Variants in MAST4 observed in about 807,000 individuals in gnomAD.
MAST4 encodes microtubule associated serine/threonine kinase family member 4.
MAST4 carries 89 observed loss-of-function variants against 162.7 expected under a neutral mutation model. The observed-to-expected ratio is 0.55, with a 90% CI of 0.46 to 0.65. MAST4 has a LOEUF of 0.65. Among genes scored for constraint, MAST4 ranks in the 30% least tolerant of loss-of-function variants. The pLI is 0.00. For missense variants in MAST4, 3,153 were observed against 3,374.0 expected, an observed-to-expected ratio of 0.93 and a Z score of 1.62; for synonymous variants, 1,479 against 1,361.1, an observed-to-expected ratio of 1.09 and a Z score of -1.91.
At chr5:67,076,352 T>C (rs1761641414) in intron 5 of MAST4, among the ~76,000 whole-genome samples, 1 of 152,218 alleles carries the variant, frequency 6.6e-6, no homozygotes, top group African/African-American at 2.4e-5. Flanking sequence ...TTCCCACAGC[T>C]TTCTCTTGGG....
At chr5:66,822,268 A>G (rs1032866600) in intron 3 of MAST4, among the ~76,000 whole-genome samples, 1 of 152,192 alleles carries the variant, frequency 6.6e-6, no homozygotes, top group African/African-American at 2.4e-5. Context: ...TGCTCAGAAC[A>G]GAGTGAGCAG....
At position 66,898,337 on chromosome 5, in the gene MAST4, A is replaced by G. The variant is rs73765796; in HGVS notation, c.643-1614A>G. 7.3e-3 allele frequency among the ~76,000 whole-genome samples: 1,114 copies of G among 152,346 alleles called. 13 individuals carry two copies. Among genetic ancestry groups the G allele is most frequent in the African/African-American group, 0.025 (1,052 of 41,574 alleles). ...TACAGTGTGGTGAGCTATTACTTCT[A>G]GGAAGTTCTCTCTTTTTGTTTTCTT... On this transcript the variant is annotated intron_variant, in intron 3 of 28. Coordinates refer to ENST00000403625, the MANE Select transcript of MAST4 (RefSeq NM_001164664.2).
chr5:66,749,679 A>T (rs1432733252), intron 1 of MAST4, among the ~76,000 whole-genome samples: 1 of 152,232 alleles, frequency 6.6e-6, no homozygotes, highest in Non-Finnish European at 1.5e-5. Flanking sequence ...GGTGCTTTAC[A>T]TATATGTACT....
chr5:66,858,251 C>T (rs1441920143), intron 3 of MAST4, among the ~76,000 whole-genome samples: 2 of 152,168 alleles, frequency 1.3e-5, no homozygotes, highest in African/African-American at 2.4e-5. Context: ...GTGATCCTCC[C>T]GCCTCAGCCT....
At chr5:66,927,001 A>G (rs1275442054) in intron 4 of MAST4, among the ~76,000 whole-genome samples, 1 of 152,208 alleles carries the variant, frequency 6.6e-6, no homozygotes, top group East Asian at 1.9e-4. Flanking sequence ...ACAGGTAGGT[A>G]TTCGTTATGT....
intron 4 of MAST4, among the ~76,000 whole-genome samples, chr5:67,050,105 C>T (rs1184733448): frequency 6.6e-6 from 1 of 152,190 alleles, no homozygotes; most frequent in African/African-American, 2.4e-5. Flanking sequence ...GCCCATAGTC[C>T]TCTTTGTCCC....
At chr5:66,630,771 T>C (rs1263976494) in intron 1 of MAST4, among the ~76,000 whole-genome samples, 2 of 152,172 alleles carry the variant, frequency 1.3e-5, no homozygotes, top group Non-Finnish European at 2.9e-5. Flanking sequence ...ACATAAGTAC[T>C]TAAAAATAAA....
intron 3 of MAST4, among the ~76,000 whole-genome samples, chr5:66,799,182 G>T (rs1019061268): frequency 2.0e-5 from 3 of 152,042 alleles, no homozygotes; most frequent in Admixed American, 2.0e-4. Flanking sequence ...CCTCTTCCCA[G>T]GCTCTTCCTT....
At chr5:67,040,390 A>T (rs1042782438) in intron 4 of MAST4, among the ~76,000 whole-genome samples, 1 of 152,184 alleles carries the variant, frequency 6.6e-6, no homozygotes, top group Non-Finnish European at 1.5e-5. Flanking sequence ...TGGGTAATTC[A>T]TATGTTGGAT....
chr5:67,107,329 G>GA (rs1282572116), intron 10 of MAST4, among the ~76,000 whole-genome samples: 5 of 152,154 alleles, frequency 3.3e-5, no homozygotes, highest in Admixed American at 2.0e-4. Flanking sequence ...CAGATCATGT[G>GA]AATGGGTCCT....
chr5:66,824,268 C>T (rs30729), intron 3 of MAST4, among the ~76,000 whole-genome samples: 23,895 of 152,210 alleles, frequency 0.16, 2,190 homozygotes, highest in East Asian at 0.43. Flanking sequence ...TTGGAAATCA[C>T]ATTCCTAGCA....
chr5:66,917,274 C>A (rs766372216), intron 4 of MAST4: 2 of 417,708 alleles, frequency 4.8e-6, no homozygotes, highest in South Asian at 4.6e-5. Context: ...TTTTCACTGC[C>A]CATTTTTCCA....
chr5:66,994,055 G>T (rs1477234027), intron 4 of MAST4, among the ~76,000 whole-genome samples: 1 of 151,970 alleles, frequency 6.6e-6, no homozygotes, highest in Non-Finnish European at 1.5e-5. Flanking sequence ...TTTCATGGGA[G>T]AGTGATATGA....
chr5:67,153,669 C>A, intron 26 of MAST4, 89 bp downstream of exon 26: 1 of 1,233,508 alleles, frequency 8.1e-7, no homozygotes, highest in Non-Finnish European at 1.1e-6. Flanking sequence ...TGTGTCACAC[C>A]CATGTCTGAT....
At chr5:66,933,309 T>G (rs192562895) in intron 4 of MAST4, among the ~76,000 whole-genome samples, 2 of 152,212 alleles carry the variant, frequency 1.3e-5, no homozygotes, top group Non-Finnish European at 2.9e-5. Context: ...ATCATGAGAT[T>G]TGGAATTGCA....
intron 3 of MAST4, among the ~76,000 whole-genome samples, chr5:66,806,101 C>T (rs1756172688): frequency 6.6e-6 from 1 of 152,156 alleles, no homozygotes; most frequent in African/African-American, 2.4e-5. Flanking sequence ...TGAGCTTTTT[C>T]CCTGAACTAT....
rs1765383156 is a variant in MAST4 at position 67,104,580 on chromosome 5, G to A, written c.1356+5G>A. ...TTAGATAAGTTGCTACAGGAGGTAA[G>A]AACCATGTACCATATAGTTTTCTGA... On this transcript the variant is annotated splice_donor_5th_base_variant and intron_variant, in intron 10 of 28. Coordinates refer to ENST00000403625, the MANE Select transcript of MAST4 (RefSeq NM_001164664.2). 3 of 1,609,104 alleles carry A rather than the reference G, an allele frequency of 1.9e-6. No individual in the cohort carries two copies. Among genetic ancestry groups the A allele is most frequent in the Non-Finnish European group, 2.5e-6 (3 of 1,177,038 alleles).
chr5:66,802,495 C>T (rs566118081), intron 3 of MAST4, among the ~76,000 whole-genome samples: 1 of 152,242 alleles, frequency 6.6e-6, no homozygotes, highest in South Asian at 2.1e-4. Context: ...CTATCGTTGA[C>T]TTTAAATCTT....
At chr5:66,659,420 C>A (rs918906622) in intron 1 of MAST4, among the ~76,000 whole-genome samples, 1 of 152,088 alleles carries the variant, frequency 6.6e-6, no homozygotes, top group Non-Finnish European at 1.5e-5. Context: ...ATGCTGTAGG[C>A]AATGAGACAG....
Sources: allele counts gnomAD v4.1 joint callset (sites outside exome capture counted in the v4.1 genomes callset), GRCh38; gene constraint gnomAD v4.1.1; transcripts MANE v1.5; gene names NCBI Gene and HGNC (gene_info 2026-07-23, HGNC 2026-07-21).